Variants in KIF18B observed in about 807,000 individuals in gnomAD.
KIF18B encodes kinesin family member 18B.
KIF18B carries 49 observed loss-of-function variants against 80.9 expected under a neutral mutation model. That is an observed-to-expected ratio of 0.61 (90% CI 0.48 to 0.77). KIF18B has a LOEUF of 0.77. Ranked by LOEUF, KIF18B falls within the 30% of genes least tolerant of loss-of-function variation. KIF18B has a pLI of 0.00. For missense variants in KIF18B, 994 were observed against 1,127.7 expected, an observed-to-expected ratio of 0.88 and a Z score of 1.70; for synonymous variants, 439 against 463.9, an observed-to-expected ratio of 0.95 and a Z score of 0.69.
At chr17:44,933,033 C>A (rs1407113517) in intron 7 of KIF18B, 47 bp from the exon 8 acceptor site, 1 of 1,556,390 alleles carries the variant, frequency 6.4e-7, no homozygotes, top group Non-Finnish European at 8.8e-7. Context: ...TTCAAAGCAG[C>A]TTTTATCAGC....
Position 44,929,135 on chromosome 17 carries a change from T to C in KIF18B, c.1518-111A>G. 3 of 928,962 alleles carry C rather than the reference T, an allele frequency of 3.2e-6. No homozygotes were observed. In the East Asian group the frequency reaches 7.9e-5, roughly 24 times the overall value. The allele number at this position is 928,962 out of a possible 1,614,324, so 57.5% of individuals were successfully genotyped here. ...CCAGCTGTGGTTGAGGAGTCTGAAC[T>C]GGTCCCCTGGCTCCCTCCTGCCTCA... is the stretch of plus-strand genomic sequence containing the variant. On this transcript the variant is annotated intron_variant, in intron 11 of 15. Coordinates refer to ENST00000593135, the MANE Select transcript of KIF18B (RefSeq NM_001265577.2).
chr17:44,947,397 A>C (rs1302235479), intron 1 of KIF18B, among the ~76,000 whole-genome samples: 2 of 152,144 alleles, frequency 1.3e-5, no homozygotes, highest in East Asian at 1.9e-4. Flanking sequence ...AGGGGTCCTG[A>C]CCACCCGTAC....
intron 11 of KIF18B, among the ~76,000 whole-genome samples, chr17:44,930,483 G>C (rs2052122624): frequency 6.6e-6 from 1 of 152,156 alleles, no homozygotes; most frequent in African/African-American, 2.4e-5. Flanking sequence ...GAAAATCTAA[G>C]ATCTACTCAG....
At chr17:44,941,775 T>C (rs548716563) in intron 1 of KIF18B, among the ~76,000 whole-genome samples, 1 of 151,954 alleles carries the variant, frequency 6.6e-6, no homozygotes, top group African/African-American at 2.4e-5. Flanking sequence ...CTGCTCCCCA[T>C]GGGGAGGGCT....
chr17:44,940,243 C>T (rs777119701), intron 1 of KIF18B, among the ~76,000 whole-genome samples: 1 of 152,170 alleles, frequency 6.6e-6, no homozygotes, highest in African/African-American at 2.4e-5. Context: ...ATGATGATAT[C>T]GTTTGCAAAT....
chr17:44,931,128 T>G (rs2052136809), intron 11 of KIF18B, among the ~76,000 whole-genome samples: 1 of 152,178 alleles, frequency 6.6e-6, no homozygotes, highest in Admixed American at 6.5e-5. Context: ...CCATTTTTCT[T>G]TGGCTTTGAT....
chr17:44,935,283 G>A lies in KIF18B; in HGVS notation c.447C>T (p.Phe149=), dbSNP rs200332226. The A allele has an allele frequency of 3.3e-4, 529 of 1,610,520 alleles. 1 individual carries two copies. The highest frequency in any genetic ancestry group is 4.3e-4 in the Non-Finnish European group (501 of 1,177,900). ...CCTCCTGGTAGCTGATGAGCACCTC[G>A]AAGTGCTTCTCCTGCTGGCGGGCCT... ...RLEARQQEKH[F]EVLISYQEVY... Residue 149 remains phenylalanine, a synonymous_variant, in exon 3 of 16, where the codon TTC becomes TTT. Transcript: ENST00000593135.
intron 1 of KIF18B, among the ~76,000 whole-genome samples, chr17:44,944,209 C>A (rs1362407547): frequency 6.6e-6 from 1 of 152,100 alleles, no homozygotes; most frequent in Non-Finnish European, 1.5e-5. Flanking sequence ...ATCTTTGCAA[C>A]TACATTAACG....
In KIF18B at chr17:44,932,218, G is replaced by C. The variant is rs149127441; in HGVS notation, c.1239-12C>G. On this transcript the variant is annotated splice_polypyrimidine_tract_variant and intron_variant, in intron 9 of 15. Coordinates refer to ENST00000593135, the MANE Select transcript of KIF18B (RefSeq NM_001265577.2). ...GGGTGCAGGGCTGGCTGGGAGGGTG[G>C]GGTGGCAAGGGGGAGCTGGGAAGGC... 1 of 1,573,726 alleles carries C rather than the reference G, an allele frequency of 6.4e-7. No individual in the cohort carries two copies. The highest frequency in any genetic ancestry group is 1.4e-5 in the African/African-American group (1 of 73,668).
chr17:44,942,537 G>A (rs533271499), intron 1 of KIF18B, among the ~76,000 whole-genome samples: 5 of 152,326 alleles, frequency 3.3e-5, no homozygotes, highest in South Asian at 2.1e-4. Context: ...GCCCCTGGAC[G>A]TCCTATTTTT....
Position 44,927,136 on chromosome 17 carries a change from C to A in KIF18B, c.2277-58G>T. The stretch of plus-strand genomic sequence containing the variant: ...AGCAGGGAACCGGAAGCAAGGCCAG[C>A]CACTTCCTCCCTCCAGCCCCCAGCT... On this transcript the variant is annotated intron_variant, in intron 13 of 15. Transcript: ENST00000593135. This position sits in a 1 kb window ranked among gnomAD's most constrained non-coding sequence, Gnocchi z 4.1. The A allele has an allele frequency of 2.3e-6, 3 of 1,308,864 alleles. No individual in the cohort carries two copies. The highest frequency in any genetic ancestry group is 1.4e-5 in the South Asian group (1 of 72,814). 81.1% of individuals were successfully genotyped at this position (1,308,864 alleles called of 1,614,324 possible). A position where few individuals can be genotyped will look rare whatever the true frequency, so the allele number is the denominator to read the frequency against.
At chr17:44,943,751 A>C (rs1447014913) in intron 1 of KIF18B, among the ~76,000 whole-genome samples, 1 of 152,098 alleles carries the variant, frequency 6.6e-6, no homozygotes, top group African/African-American at 2.4e-5. Context: ...GTTGTTGCCC[A>C]GGCTGGAATG....
intron 1 of KIF18B, among the ~76,000 whole-genome samples, chr17:44,940,644 G>T (rs1034936483): frequency 1.3e-5 from 2 of 152,302 alleles, no homozygotes; most frequent in African/African-American, 2.4e-5. Context: ...ATTGACAGGG[G>T]TGAGGAACAG....
At chr17:44,935,442 G>A (rs1372303497) in intron 2 of KIF18B, 26 bp from the exon 3 acceptor site, 4 of 1,571,520 alleles carry the variant, frequency 2.5e-6, no homozygotes, top group African/African-American at 1.4e-5. Context: ...TAAGGAGGAG[G>A]ACCCCAGTGC....
chr17:44,943,441 A>T (rs1329629305), intron 1 of KIF18B, among the ~76,000 whole-genome samples: 3 of 151,990 alleles, frequency 2.0e-5, no homozygotes, highest in African/African-American at 7.2e-5. Context: ...GCTGTAATTG[A>T]TGATAGCGTT....
Position 44,928,290 on chromosome 17 carries a change from C to T in KIF18B, c.2012G>A (p.Gly671Glu). 1 of 1,613,350 alleles carries T rather than the reference C, an allele frequency of 6.2e-7. No homozygotes were observed. The highest frequency in any genetic ancestry group is 2.2e-5 in the East Asian group (1 of 44,866). The change falls in exon 13 of 16, where the codon GGG becomes GAG. Residue 671 changes from glycine to glutamate, a missense_variant. Transcript: ENST00000593135. ...CCTTTCTCCTTTGGGGGTGCTGGGC[C>T]CCTGTGAAGGTTGGGTGTCAGGCAG... ...GSLPDTQPSQ[G>E]PSTPKGERAS... is the part of the protein sequence containing the mutation.
chr17:44,932,891 C>A, intron 8 of KIF18B, 21 bp downstream of exon 8: 2 of 1,595,646 alleles, frequency 1.3e-6, no homozygotes, highest in South Asian at 2.2e-5. Context: ...CTCCAGCCTG[C>A]CCCCAAGGCG....
chr17:44,926,613 C>T, intron 14 of KIF18B, 114 bp from the exon 15 acceptor site: 1 of 1,071,988 alleles, frequency 9.3e-7, no homozygotes, highest in Non-Finnish European at 1.3e-6. Flanking sequence ...GCAAAGGCTG[C>T]TGGGCACCAG....
Position 44,934,313 on chromosome 17 carries a change from C to G in KIF18B, c.805G>C (p.Glu269Gln), listed in dbSNP as rs771239363. The change falls in exon 6 of 16, where the codon GAG becomes CAG. Residue 269 changes from glutamate (E) to glutamine (Q), a missense_variant. By Grantham distance (29) the Glu-to-Gln change is conservative. Transcript: ENST00000593135. The surrounding 1 kb of genome is among the most constrained non-coding windows in gnomAD (Gnocchi z 5.4). ...ERASSTHAKG[E>Q]RLREGANINR... Reference sequence around the variant, plus strand: ...ATGTTGGCCCCCTCCCGCAGCCGCTCCCCCTTCGCATGGGTGCTGGATGCC... The same window carrying G: ...ATGTTGGCCCCCTCCCGCAGCCGCTGCCCCTTCGCATGGGTGCTGGATGCC... The G allele has an allele frequency of 4.3e-6, 7 of 1,610,708 alleles. No individual in the cohort carries two copies. Among genetic ancestry groups the G allele is most frequent in the Non-Finnish European group, 5.1e-6 (6 of 1,178,694 alleles).
Sources: allele counts gnomAD v4.1 joint callset (sites outside exome capture counted in the v4.1 genomes callset), GRCh38; gene constraint gnomAD v4.1.1; non-coding constraint Gnocchi (gnomAD v3.1); transcripts MANE v1.5; gene names NCBI Gene and HGNC (gene_info 2026-07-23, HGNC 2026-07-21).